LMNTD1: variants seen among roughly 807,000 people sequenced by gnomAD.
LMNTD1 encodes the protein lamin tail domain containing 1.
In LMNTD1, 35 loss-of-function variants were observed where a neutral mutation model predicts 50.9. The observed-to-expected ratio is 0.69, with a 90% CI of 0.53 to 0.91. The LOEUF (loss-of-function observed/expected upper bound fraction) is 0.91, where lower values mean the gene tolerates loss of function less well. Ranked by LOEUF, LMNTD1 falls within the 40% of genes least tolerant of loss-of-function variation. LMNTD1 has a pLI of 0.00. For missense variants in LMNTD1, 470 were observed against 475.5 expected (o/e 0.99, Z 0.11); for synonymous variants, 153 against 161.9 (o/e 0.94, Z 0.42).
chr12:25,616,737 AG>A (rs1360665098), intron 1 of LMNTD1, among the ~76,000 whole-genome samples: 1 of 152,232 alleles, frequency 6.6e-6, no homozygotes, highest in East Asian at 1.9e-4. Context: ...CAAAATAAAA[AG>A]GCCACGTATG....
intron 6 of LMNTD1, 62 bp from the exon 7 acceptor site, chr12:25,520,137 G>GATAT (rs1491562549): frequency 1.5e-5 from 4 of 275,580 alleles, no homozygotes; most frequent in Admixed American, 1.5e-4. Context: ...ATGCTGTTAT[G>GATAT]AGATATACAT....
At chr12:25,609,644 C>G (rs896315083) in intron 1 of LMNTD1, among the ~76,000 whole-genome samples, 2 of 152,202 alleles carry the variant, frequency 1.3e-5, no homozygotes, top group African/African-American at 4.8e-5. Context: ...CTGGGTATCA[C>G]CAGCGGAGGC....
chr12:25,625,242 CTTTCATCCTTGG>C (rs1946563348), intron 1 of LMNTD1, among the ~76,000 whole-genome samples: 1 of 152,182 alleles, frequency 6.6e-6, no homozygotes, highest in Non-Finnish European at 1.5e-5. Context: ...CAACCAATAG[CTTTCATCCTTGG>C]TTTCATCCTG....
chr12:25,494,536 T>C (rs894860021), intron 9 of LMNTD1, among the ~76,000 whole-genome samples: 4 of 152,142 alleles, frequency 2.6e-5, no homozygotes, highest in African/African-American at 4.8e-5. Context: ...TTTCTACTTG[T>C]CTCTGGTTTG....
chr12:25,634,884 C>T (rs1013180273), intron 1 of LMNTD1, among the ~76,000 whole-genome samples: 3 of 152,070 alleles, frequency 2.0e-5, no homozygotes, highest in Non-Finnish European at 2.9e-5. Flanking sequence ...TGTTTGCTGA[C>T]GATATGATCG....
At chr12:25,592,611 T>C in intron 1 of LMNTD1, 1 of 152,694 alleles carries the variant, frequency 6.5e-6, no homozygotes, top group African/African-American at 2.4e-5. Flanking sequence ...CCTCACAGGG[T>C]CCTTGGGGCG....
chr12:25,535,934 A>G (rs1246915916), intron 4 of LMNTD1, among the ~76,000 whole-genome samples: 3 of 152,096 alleles, frequency 2.0e-5, no homozygotes, highest in African/African-American at 7.2e-5. Flanking sequence ...TGGCTATATT[A>G]ATATCAGACA....
intron 3 of LMNTD1, chr12:25,547,161 T>A (rs1227412160): frequency 3.4e-6 from 3 of 887,394 alleles, no homozygotes; most frequent in East Asian, 1.2e-4. Flanking sequence ...ATAGTTTTCA[T>A]AATTTTAAGC....
intron 1 of LMNTD1, among the ~76,000 whole-genome samples, chr12:25,617,604 A>AG (rs954536953): frequency 1.1e-4 from 17 of 152,284 alleles, no homozygotes; most frequent in Non-Finnish European, 1.9e-4. Flanking sequence ...AAAATGGGGA[A>AG]GGGGGGACAA....
chr12:25,554,336 T>C (rs1368739853), upstream of LMNTD1, among the ~76,000 whole-genome samples: 2 of 152,254 alleles, frequency 1.3e-5, no homozygotes, highest in Non-Finnish European at 2.9e-5. Flanking sequence ...TATGACCTCA[T>C]TGGTTTTATC....
At chr12:25,610,172 C>T (rs1946209887) in intron 1 of LMNTD1, among the ~76,000 whole-genome samples, 1 of 152,130 alleles carries the variant, frequency 6.6e-6, no homozygotes, top group South Asian at 2.1e-4. Context: ...TCCTGGTGTG[C>T]CATTTGCTAA....
chr12:25,548,786 T>C (rs1206979422), intron 3 of LMNTD1, among the ~76,000 whole-genome samples: 1 of 152,024 alleles, frequency 6.6e-6, no homozygotes, highest in Non-Finnish European at 1.5e-5. Context: ...GTCAAAACTT[T>C]ACTTTTTCTG....
intron 1 of LMNTD1, among the ~76,000 whole-genome samples, chr12:25,572,606 G>T (rs1000428078): frequency 6.6e-6 from 1 of 152,112 alleles, no homozygotes; most frequent in Non-Finnish European, 1.5e-5. Flanking sequence ...GAATGAAAAA[G>T]GGAGAGAGTT....
rs1165143928 is a variant in LMNTD1 at position 25,580,391 on chromosome 12, T to C, written c.59-33837A>G. 2.0e-5 allele frequency among the ~76,000 whole-genome samples: 3 copies of C among 152,260 alleles called. 1 individual carries two copies. The highest frequency in any genetic ancestry group is 6.8e-3 in the Middle Eastern group (2 of 294). On this transcript the variant is annotated intron_variant, in intron 1 of 7. Coordinates refer to the LMNTD1 transcript ENST00000445693. ...GTCAGTCTCCATTCTGATTGGTGGG[T>C]ACTTGTTCAGCACAAGTATTAAATA... is the stretch of plus-strand genomic sequence containing the variant.
At chr12:25,559,344 C>A (rs1025966869) in intron 1 of LMNTD1, among the ~76,000 whole-genome samples, 3 of 152,086 alleles carry the variant, frequency 2.0e-5, no homozygotes, top group African/African-American at 4.8e-5. Context: ...TGGTTTCCAG[C>A]TTCATCCACG....
chr12:25,527,670 A>ATATATATAT (rs1941867637), intron 4 of LMNTD1, among the ~76,000 whole-genome samples: 13 of 21,394 alleles, frequency 6.1e-4, no homozygotes, highest in African/African-American at 1.4e-3. Flanking sequence ...ATATATATAT[A>ATATATATAT]TATATATATA....
intron 4 of LMNTD1, among the ~76,000 whole-genome samples, chr12:25,538,331 G>A (rs1409890574): frequency 4.6e-5 from 7 of 150,634 alleles, no homozygotes; most frequent in South Asian, 2.1e-4. Context: ...GAGAAAGGTC[G>A]GGTTACCCTC....
chr12:25,552,876 T>C lies in LMNTD1; in HGVS notation c.84A>G (p.Gln28=), dbSNP rs1943850698. The change falls in exon 2 of 10, where the codon CAA becomes CAG. Residue 28 remains glutamine, a synonymous_variant. Transcript: ENST00000458174. ...TCGCATCTATGCATGCTCACTGTTT[T>C]TGTTTCTCATTCTTATCTTCCTGCT... ...VHEQEDKNEK[Q]KQREDKLGVY... is the part of the protein sequence containing the mutation. The C allele has an allele frequency of 6.5e-7, 1 of 1,539,494 alleles. No homozygotes were observed. Among genetic ancestry groups the C allele is most frequent in the Non-Finnish European group, 8.8e-7 (1 of 1,135,808 alleles).
chr12:25,612,629 CTGAA>C (rs1197030423), intron 1 of LMNTD1, among the ~76,000 whole-genome samples: 2 of 151,948 alleles, frequency 1.3e-5, no homozygotes, highest in Admixed American at 6.6e-5. Flanking sequence ...ATCCCTTTGG[CTGAA>C]TGAATGAAGC....
Sources: gnomAD v4.1 joint callset for allele counts (sites outside exome capture counted in the v4.1 genomes callset) on GRCh38, gnomAD v4.1.1 for gene constraint, MANE v1.5 for transcripts, NCBI Gene and HGNC (gene_info 2026-07-23, HGNC 2026-07-21) for gene names.